Variants in KLF12 observed in about 807,000 individuals in gnomAD.
KLF12 encodes Krueppel-like factor 12.
KLF12 carries 9 observed loss-of-function variants against 37.8 expected under a neutral mutation model. The ratio of observed to expected loss-of-function variants is 0.24; its 90% CI spans 0.14 to 0.42. KLF12 has a LOEUF of 0.42. KLF12 is among the 10% of genes least tolerant of loss of function. The pLI, the probability that KLF12 is intolerant of heterozygous loss-of-function variation, is 1.00. For synonymous variants in KLF12, 208 were observed against 202.1 expected, an observed-to-expected ratio of 1.03 and a Z score of -0.25; for missense variants, 411 against 516.0, an observed-to-expected ratio of 0.80 and a Z score of 1.97.
At chr13:73,747,272 A>G (rs1166802568) in intron 6 of KLF12, among the ~76,000 whole-genome samples, 2 of 151,694 alleles carry the variant, frequency 1.3e-5, no homozygotes, top group African/African-American at 4.8e-5. Context: ...AGGGATCCAG[A>G]GGAGGAATGA....
At chr13:73,985,022 G>C (rs1433049616) in intron 2 of KLF12, among the ~76,000 whole-genome samples, 1 of 16,498 alleles carries the variant, frequency 6.1e-5, no homozygotes, top group Non-Finnish European at 1.2e-3. Context: ...GCTTCTGCCT[G>C]GTGTTATCCC....
intron 1 of KLF12, among the ~76,000 whole-genome samples, chr13:74,132,889 C>T (rs559292272): frequency 2.0e-5 from 3 of 152,306 alleles, no homozygotes; most frequent in African/African-American, 7.2e-5. Flanking sequence ...ACTGATTCTC[C>T]CCGTAGGGGA....
At chr13:74,055,745 CCAA>C (rs1206131755) in intron 1 of KLF12, among the ~76,000 whole-genome samples, 4 of 152,132 alleles carry the variant, frequency 2.6e-5, no homozygotes, top group Admixed American at 6.6e-5. Flanking sequence ...AAAAAAACAA[CCAA>C]CAACAATTTA....
intron 4 of KLF12, among the ~76,000 whole-genome samples, chr13:73,820,334 T>C (rs1486102403): frequency 6.6e-6 from 1 of 152,216 alleles, no homozygotes. Flanking sequence ...TCCTTCCTAA[T>C]ATATTTGTAC....
At chr13:74,238,566 G>A in the KLF12 span, among the ~76,000 whole-genome samples, 7 of 135,132 alleles carry the variant, frequency 5.2e-5, no homozygotes, top group Non-Finnish European at 1.1e-4. Flanking sequence ...AATCCATCTG[G>A]TCCTGGACTC....
chr13:73,772,434 T>C (rs1880329366), intron 5 of KLF12, among the ~76,000 whole-genome samples: 1 of 152,206 alleles, frequency 6.6e-6, no homozygotes, highest in Non-Finnish European at 1.5e-5. Flanking sequence ...CCATGGTGCA[T>C]CTGAATTAAG....
chr13:73,711,085 A>C (rs1875363289), intron 7 of KLF12, among the ~76,000 whole-genome samples: 2 of 152,236 alleles, frequency 1.3e-5, no homozygotes, highest in Admixed American at 1.3e-4. Flanking sequence ...AATCCAGAGC[A>C]AGGGCCACTC....
chr13:74,034,519 C>T (rs1478042920), intron 1 of KLF12, among the ~76,000 whole-genome samples: 1 of 152,088 alleles, frequency 6.6e-6, no homozygotes, highest in African/African-American at 2.4e-5. Context: ...CTTTATAGTT[C>T]GCCATTTAAA....
chr13:73,908,459 C>T (rs1283877555), intron 3 of KLF12, among the ~76,000 whole-genome samples: 1 of 151,040 alleles, frequency 6.6e-6, no homozygotes, highest in Non-Finnish European at 1.5e-5. Context: ...TTTAACCCTC[C>T]TAAAGGTTTT....
chr13:74,302,314 T>C, the KLF12 span, among the ~76,000 whole-genome samples: 8 of 152,172 alleles, frequency 5.3e-5, no homozygotes, highest in Non-Finnish European at 1.0e-4. Context: ...ATGGAGATGA[T>C]GGTGTGAACT....
At chr13:74,030,669 G>C (rs149115733) in intron 1 of KLF12, among the ~76,000 whole-genome samples, 208 of 152,152 alleles carry the variant, frequency 1.4e-3, no homozygotes, top group African/African-American at 4.8e-3. Flanking sequence ...GAAGCCTATA[G>C]CAAACAATAA....
chr13:73,854,223 G>A (rs1408534747), intron 3 of KLF12, among the ~76,000 whole-genome samples: 3 of 152,016 alleles, frequency 2.0e-5, no homozygotes, highest in African/African-American at 4.8e-5. Flanking sequence ...AGACTTTTAG[G>A]GGATAAATCT....
chr13:73,881,083 T>C (rs890496839), intron 3 of KLF12, among the ~76,000 whole-genome samples: 22 of 151,972 alleles, frequency 1.4e-4, no homozygotes, highest in African/African-American at 5.1e-4. Context: ...ATTTCAGGAG[T>C]CTTTGCCAAG....
chr13:73,934,068 C>G (rs1889809303), intron 3 of KLF12, among the ~76,000 whole-genome samples: 1 of 152,088 alleles, frequency 6.6e-6, no homozygotes, highest in Admixed American at 6.6e-5. Flanking sequence ...AGATTCTATC[C>G]TTTGATTACT....
At chr13:73,993,893 A>C (rs1892035571) in intron 2 of KLF12, among the ~76,000 whole-genome samples, 1 of 152,148 alleles carries the variant, frequency 6.6e-6, no homozygotes, top group Admixed American at 6.5e-5. Flanking sequence ...CCACTTTACT[A>C]ACACACCACT....
chr13:73,917,270 T>C (rs1888892191), intron 3 of KLF12, among the ~76,000 whole-genome samples: 1 of 152,188 alleles, frequency 6.6e-6, no homozygotes, highest in Non-Finnish European at 1.5e-5. Flanking sequence ...AGGCACTTAC[T>C]ATACTAATAA....
chr13:73,815,175 T>G (rs1330367068), intron 4 of KLF12, among the ~76,000 whole-genome samples: 1 of 152,190 alleles, frequency 6.6e-6, no homozygotes, highest in Non-Finnish European at 1.5e-5. Context: ...CTGTTTGTTT[T>G]CCATCTGATC....
chr13:73,899,574 G>A (rs1488110051), intron 3 of KLF12, among the ~76,000 whole-genome samples: 5 of 152,188 alleles, frequency 3.3e-5, no homozygotes, highest in Admixed American at 2.0e-4. Context: ...CTATAGGGGT[G>A]TTTCCATGAA....
the KLF12 span, among the ~76,000 whole-genome samples, chr13:74,227,505 T>C: frequency 1.3e-5 from 2 of 152,176 alleles, no homozygotes; most frequent in African/African-American, 4.8e-5. Flanking sequence ...TAAAGTCACA[T>C]ATAATAACTT....
Sources: gnomAD v4.1 joint callset for allele counts (sites outside exome capture counted in the v4.1 genomes callset) on GRCh38, gnomAD v4.1.1 for gene constraint, MANE v1.5 for transcripts, NCBI Gene and HGNC (gene_info 2026-07-23, HGNC 2026-07-21) for gene names.